IL1RAPL1: variants seen among roughly 807,000 people sequenced by gnomAD.
The protein encoded by IL1RAPL1 is interleukin-1 receptor accessory protein-like 1.
A neutral mutation model predicts 48.4 loss-of-function variants in IL1RAPL1; 3 were observed. That is an observed-to-expected ratio of 0.06 (90% CI 0.03 to 0.16). IL1RAPL1 has a LOEUF of 0.16. Ranked by LOEUF, IL1RAPL1 falls within the 10% of genes least tolerant of loss-of-function variation. The pLI is 1.00. For missense variants in IL1RAPL1, 349 were observed against 530.6 expected (o/e 0.66, Z 3.36); for synonymous variants, 185 against 187.7 (o/e 0.99, Z 0.12).
rs141367622 is a variant in IL1RAPL1 at position 29,650,860 on chromosome X, A to G, written c.704-17570A>G. Among the ~76,000 whole-genome samples, 477 of 111,299 alleles carry G rather than the reference A, an allele frequency of 4.3e-3. 2 individuals are homozygous for G. Among genetic ancestry groups the G allele is most frequent in the African/African-American group, 0.015 (447 of 30,744 alleles). On this transcript the variant is annotated intron_variant, in intron 5 of 10. Transcript: ENST00000378993. ...AGCAGCCTATAGAATGAAAGAAAAT[A>G]TTTGCAAACTATACATCTGATAAGG...
Position 29,685,194 on chromosome X carries a change from G to A in IL1RAPL1, c.778+16690G>A, listed in dbSNP as rs938663868. Reference sequence around the variant, plus strand: ...TTACAGTGCATCTTGCTCATGGCTTGTAAATATATGTTAACTTTAAAGAAC... The same window carrying A: ...TTACAGTGCATCTTGCTCATGGCTTATAAATATATGTTAACTTTAAAGAAC... On this transcript the variant is annotated intron_variant, in intron 6 of 10. Transcript: ENST00000378993. Among the ~76,000 whole-genome samples, 5 of 112,282 alleles carry A rather than the reference G, an allele frequency of 4.5e-5. No homozygotes were observed. The Admixed American group carries it at 4.7e-4, about 11-fold the overall frequency.
rs992914318 is a variant in IL1RAPL1, at chrX:29,955,874, A to T, written c.*54A>T. 104 of 947,576 alleles carry T rather than the reference A, an allele frequency of 1.1e-4. No homozygotes were observed. In the Admixed American group the frequency reaches 2.3e-3, roughly 21 times the overall value. 78.1% of individuals were successfully genotyped at this position (947,576 alleles called of 1,213,427 possible). A position where few individuals can be genotyped will look rare whatever the true frequency, so the allele number is the denominator to read the frequency against. ...GGAGGTTGAGTGGAATCTGCAGTCC[A>T]GTGCCTGGAACTAAATCCTCGACTG... On this transcript the variant is annotated 3_prime_UTR_variant, in exon 11 of 11. Transcript: ENST00000378993.
At chrX:29,912,978 A>G (rs1932768788) in intron 6 of IL1RAPL1, among the ~76,000 whole-genome samples, 1 of 111,991 alleles carries the variant, frequency 8.9e-6, no homozygotes, top group African/African-American at 3.2e-5. Flanking sequence ...GGAAAGGATA[A>G]TAGTCCTTCA....
Position 29,643,335 on chromosome X carries a change from TTA to T in IL1RAPL1, c.704-25093_704-25092del, listed in dbSNP as rs1469267778. ...TTGGGTCCTATAGACCATATGGTGT[TTA>T]TCACCCACTTCTCCATCTTAGATGA... On this transcript the variant is annotated intron_variant, in intron 5 of 10. Coordinates refer to ENST00000378993, the MANE Select transcript of IL1RAPL1 (RefSeq NM_014271.4). 3.6e-5 allele frequency among the ~76,000 whole-genome samples: 4 copies of T among 111,692 alleles called. No homozygotes were observed. In the East Asian group the frequency reaches 8.4e-4, roughly 24 times the overall value.
intron 3 of IL1RAPL1, among the ~76,000 whole-genome samples, chrX:29,378,774 TA>T (rs201767719): frequency 0.021 from 2,333 of 112,214 alleles, 61 homozygotes; most frequent in African/African-American, 0.071. Context: ...CTCTGTGGTA[TA>T]GGGGGGAGAA....
chrX:28,621,088 C>A (rs1460699795), intron 1 of IL1RAPL1, among the ~76,000 whole-genome samples: 2 of 112,144 alleles, frequency 1.8e-5, no homozygotes, highest in Non-Finnish European at 3.8e-5. Context: ...TCTGACTAGT[C>A]CCTCACATGA....
intron 2 of IL1RAPL1, among the ~76,000 whole-genome samples, chrX:29,195,343 T>A (rs1238764813): frequency 9.0e-6 from 1 of 110,843 alleles, no homozygotes; most frequent in East Asian, 2.9e-4. Flanking sequence ...GAGGCATAGA[T>A]AAAGTGCTAT....
At chrX:29,221,666 CACACACAT>C (rs1930981367) in intron 2 of IL1RAPL1, among the ~76,000 whole-genome samples, 2 of 89,886 alleles carry the variant, frequency 2.2e-5, no homozygotes, top group South Asian at 4.9e-4. Context: ...CACACACACA[CACACACAT>C]ATGACAGACT....
At chrX:29,670,984 A>G (rs1207982938) in intron 6 of IL1RAPL1, among the ~76,000 whole-genome samples, 1 of 111,778 alleles carries the variant, frequency 8.9e-6, no homozygotes, top group African/African-American at 3.3e-5. Flanking sequence ...GGGATAACCA[A>G]ACTCTTGTAA....
At chrX:28,643,132 G>A (rs189297995) in intron 1 of IL1RAPL1, among the ~76,000 whole-genome samples, 7 of 111,224 alleles carry the variant, frequency 6.3e-5, no homozygotes, top group East Asian at 2.8e-4. Flanking sequence ...AAGATGATCC[G>A]CCCGCCTTGG....
chrX:29,333,409 A>AC (rs1932913684), intron 3 of IL1RAPL1, among the ~76,000 whole-genome samples: 4 of 69,924 alleles, frequency 5.7e-5, no homozygotes, highest in Non-Finnish European at 8.6e-5. Context: ...CGGGGGGCTG[A>AC]CCCCCCCACC....
At chrX:29,089,124 A>C (rs1321818289) in intron 2 of IL1RAPL1, among the ~76,000 whole-genome samples, 1 of 111,455 alleles carries the variant, frequency 9.0e-6, no homozygotes, top group African/African-American at 3.3e-5. Context: ...GTAATTCTGC[A>C]TGAGGGAGAC....
At chrX:28,831,022 C>CTGTG (rs1569182008) in intron 2 of IL1RAPL1, among the ~76,000 whole-genome samples, 6 of 64,995 alleles carry the variant, frequency 9.2e-5, no homozygotes, top group African/African-American at 3.6e-4. Context: ...CTCTCTCTCT[C>CTGTG]TCTCTGTGTG....
intron 1 of IL1RAPL1, among the ~76,000 whole-genome samples, chrX:28,761,732 C>T (rs1044977153): frequency 9.0e-6 from 1 of 111,141 alleles, no homozygotes; most frequent in Non-Finnish European, 1.9e-5. Flanking sequence ...CATGTACCCC[C>T]GAATCTAAAA....
chrX:29,723,240 T>A (rs1927684701), intron 6 of IL1RAPL1, among the ~76,000 whole-genome samples: 1 of 111,867 alleles, frequency 8.9e-6, no homozygotes, highest in African/African-American at 3.2e-5. Flanking sequence ...TAACTCTGCA[T>A]GTTTGTTTTG....
intron 6 of IL1RAPL1, among the ~76,000 whole-genome samples, chrX:29,875,220 A>G (rs1211289909): frequency 8.9e-6 from 1 of 111,754 alleles, no homozygotes; most frequent in African/African-American, 3.3e-5. Context: ...GTCCATCTAT[A>G]ATAGAATCAT....
intron 5 of IL1RAPL1, among the ~76,000 whole-genome samples, chrX:29,570,850 T>A (rs1296671323): frequency 8.9e-6 from 1 of 112,489 alleles, no homozygotes; most frequent in Non-Finnish European, 1.9e-5. Flanking sequence ...ATTGTACTTG[T>A]AGAAATGAAA....
At chrX:28,741,678 A>G (rs184954505) in intron 1 of IL1RAPL1, among the ~76,000 whole-genome samples, 1 of 111,878 alleles carries the variant, frequency 8.9e-6, no homozygotes, top group Non-Finnish European at 1.9e-5. Context: ...GTGATACAAA[A>G]TAGGGCACAA....
At chrX:28,614,990 T>G (rs1013229104) in intron 1 of IL1RAPL1, among the ~76,000 whole-genome samples, 9 of 110,274 alleles carry the variant, frequency 8.2e-5, no homozygotes, top group Admixed American at 6.8e-4. Context: ...CCGGCTTCAC[T>G]CCATTCTTCT....
Sources: gnomAD v4.1 joint callset for allele counts (sites outside exome capture counted in the v4.1 genomes callset) on GRCh38, gnomAD v4.1.1 for gene constraint, MANE v1.5 for transcripts, NCBI Gene and HGNC (gene_info 2026-07-23, HGNC 2026-07-21) for gene names.